The following LPP variants were observed in gnomAD, a reference collection of about 807,000 sequenced individuals.
LPP encodes the protein LIM domain containing preferred translocation partner in lipoma.
A neutral mutation model predicts 60.4 loss-of-function variants in LPP; 38 were observed. The observed-to-expected ratio is 0.63, with a 90% CI of 0.49 to 0.83. The LOEUF (loss-of-function observed/expected upper bound fraction) is 0.83. Among genes scored for constraint, LPP ranks in the 40% least tolerant of loss-of-function variants. The pLI, the probability that LPP is intolerant of heterozygous loss-of-function variation, is 0.00. For synonymous variants in LPP, 328 were observed against 290.8 expected, an observed-to-expected ratio of 1.13 and a Z score of -1.30; for missense variants, 902 against 783.6, an observed-to-expected ratio of 1.15 and a Z score of -1.80.
chr3:188,197,847 T>C (rs1211426478), intron 1 of LPP, among the ~76,000 whole-genome samples: 1 of 152,226 alleles, frequency 6.6e-6, no homozygotes, highest in Non-Finnish European at 1.5e-5. Flanking sequence ...TTTTCCCCTC[T>C]TCTAGTTAAA....
At chr3:188,194,120 A>G (rs1488082626) in intron 1 of LPP, among the ~76,000 whole-genome samples, 1 of 152,206 alleles carries the variant, frequency 6.6e-6, no homozygotes, top group African/African-American at 2.4e-5. Flanking sequence ...TCTGTTGGTG[A>G]GTGGCCCTCA....
rs1012713640 is a variant in LPP, at chr3:188,622,770, C to G, written c.1113+12926C>G. Among the ~76,000 whole-genome samples, 13 of 152,162 alleles carry G rather than the reference C, an allele frequency of 8.5e-5. No homozygotes were observed. In the East Asian group the frequency reaches 2.5e-3, roughly 30 times the overall value. On this transcript the variant is annotated intron_variant, in intron 7 of 11. Coordinates refer to ENST00000617246, the MANE Select transcript of LPP (RefSeq NM_001375462.1). ...CTGGGCCAGGCACAGTGGCTCACAC[C>G]TGTAATCCCAGCACTTTGGGAGACC... is the stretch of plus-strand genomic sequence containing the variant.
chr3:188,220,532 G>A (rs531321201), intron 1 of LPP, among the ~76,000 whole-genome samples: 2 of 152,206 alleles, frequency 1.3e-5, no homozygotes, highest in African/African-American at 4.8e-5. Context: ...CTCATGTCAC[G>A]AGGTTTCAGG....
Position 188,890,215 on chromosome 3 carries a change from G to C in LPP, c.*15736G>C, listed in dbSNP as rs148965046. On this transcript the variant is annotated 3_prime_UTR_variant, in exon 12 of 12. Coordinates refer to ENST00000617246, the MANE Select transcript of LPP (RefSeq NM_001375462.1). Reference sequence around the variant, plus strand: ...CTAAGCACAATCATAGCCCCACCGTGATGAGCTGCTAGTCTGAATAACATT... The same window carrying C: ...CTAAGCACAATCATAGCCCCACCGTCATGAGCTGCTAGTCTGAATAACATT... 9.2e-6 allele frequency: 2 copies of C among 218,008 alleles called. No individual in the cohort carries two copies. The highest frequency in any genetic ancestry group is 1.8e-5 in the Non-Finnish European group (2 of 108,426). 13.5% of individuals were successfully genotyped at this position (218,008 alleles called of 1,614,324 possible).
chr3:188,693,650 C>T (rs543487585), intron 7 of LPP, among the ~76,000 whole-genome samples: 2 of 152,178 alleles, frequency 1.3e-5, no homozygotes, highest in African/African-American at 2.4e-5. Flanking sequence ...CAGCGCAGCC[C>T]GACAGAATTC....
intron 9 of LPP, among the ~76,000 whole-genome samples, chr3:188,865,735 T>C (rs1439796129): frequency 1.3e-5 from 2 of 152,288 alleles, no homozygotes; most frequent in East Asian, 3.9e-4. Flanking sequence ...CCCATATGCT[T>C]GCATGCTATG....
Position 188,381,498 on chromosome 3 carries a change from G to A in LPP, c.-9-24614G>A, listed in dbSNP as rs764046713. Reference sequence around the variant, plus strand: ...GGCCAACATCTCTTTACTCTAGAAGGTTCTCAAAGGAGTTACCACACATGA... The same window carrying A: ...GGCCAACATCTCTTTACTCTAGAAGATTCTCAAAGGAGTTACCACACATGA... On this transcript the variant is annotated intron_variant, in intron 3 of 11. Transcript: ENST00000617246. 8.5e-5 allele frequency among the ~76,000 whole-genome samples: 13 copies of A among 152,258 alleles called. No individual in the cohort carries two copies. In the South Asian group the frequency reaches 1.2e-3, roughly 15 times the overall value.
chr3:188,277,013 C>T (rs1439851242), intron 2 of LPP, among the ~76,000 whole-genome samples: 1 of 139,484 alleles, frequency 7.2e-6, no homozygotes, highest in African/African-American at 2.7e-5. Flanking sequence ...AAGTGATTCT[C>T]CTGCCTCAGG....
chr3:188,390,214 A>G (rs541397134), intron 3 of LPP, among the ~76,000 whole-genome samples: 4 of 152,292 alleles, frequency 2.6e-5, no homozygotes, highest in South Asian at 4.1e-4. Context: ...AACTGAGACA[A>G]TTATGACAGA....
chr3:188,380,636 G>A (rs1776627866), intron 3 of LPP, among the ~76,000 whole-genome samples: 1 of 152,196 alleles, frequency 6.6e-6, no homozygotes, highest in South Asian at 2.1e-4. Context: ...GCAAGAGGAA[G>A]GATTTTTGAG....
At chr3:188,337,821 A>T (rs1762077429) in intron 2 of LPP, among the ~76,000 whole-genome samples, 2 of 152,062 alleles carry the variant, frequency 1.3e-5, no homozygotes, top group African/African-American at 4.8e-5. Context: ...GTTAAAGTTT[A>T]GTTGTTGATT....
intron 4 of LPP, among the ~76,000 whole-genome samples, chr3:188,470,446 C>G (rs200866839): frequency 9.3e-6 from 1 of 107,304 alleles, no homozygotes; most frequent in African/African-American, 3.0e-5. Context: ...CTGCATATAC[C>G]CACTCAGGAA....
chr3:188,485,317 T>C (rs572186356), intron 5 of LPP, among the ~76,000 whole-genome samples: 2 of 152,172 alleles, frequency 1.3e-5, no homozygotes, highest in African/African-American at 2.4e-5. Flanking sequence ...TCTCAGACTG[T>C]GATCATCGGT....
intron 7 of LPP, among the ~76,000 whole-genome samples, chr3:188,671,596 G>A (rs1278454476): frequency 6.6e-6 from 1 of 152,008 alleles, no homozygotes; most frequent in Non-Finnish European, 1.5e-5. Context: ...CTGCTCCATG[G>A]CCCCCTTTGC....
intron 1 of LPP, among the ~76,000 whole-genome samples, chr3:188,205,971 T>C (rs1293913238): frequency 6.6e-6 from 1 of 152,152 alleles, no homozygotes. Context: ...TGCTGCTACA[T>C]ATAAAAGTTA....
chr3:188,166,684 C>T (rs978506490), intron 1 of LPP, among the ~76,000 whole-genome samples: 1 of 152,192 alleles, frequency 6.6e-6, no homozygotes, highest in African/African-American at 2.4e-5. Flanking sequence ...ATCGCAATGC[C>T]AGATTCTTCC....
Position 188,220,543 on chromosome 3 carries a change from C to T in LPP, c.-189-4862C>T, listed in dbSNP as rs116104813. Among the ~76,000 whole-genome samples, 936 of 152,300 alleles carry T rather than the reference C, an allele frequency of 6.1e-3. 5 individuals are homozygous for T. The highest frequency in any genetic ancestry group is 9.3e-3 in the Non-Finnish European group (635 of 68,016). On this transcript the variant is annotated intron_variant, in intron 1 of 11. Coordinates refer to ENST00000617246, the MANE Select transcript of LPP (RefSeq NM_001375462.1). ...TAATCTCATGTCACGAGGTTTCAGG[C>T]CTGGCTGAGAACTCTGTGAGCTCTG...
At chr3:188,496,473 T>C (rs1228938564) in intron 5 of LPP, among the ~76,000 whole-genome samples, 1 of 152,184 alleles carries the variant, frequency 6.6e-6, no homozygotes, top group Non-Finnish European at 1.5e-5. Flanking sequence ...TTATCTCACT[T>C]GAACCTTTAG....
intron 9 of LPP, among the ~76,000 whole-genome samples, chr3:188,802,914 T>C (rs1167397111): frequency 1.3e-5 from 2 of 152,154 alleles, no homozygotes; most frequent in Middle Eastern, 3.2e-3. Flanking sequence ...GAAGGAACAT[T>C]AGCAGTTAAT....
Sources: allele counts gnomAD v4.1 joint callset (sites outside exome capture counted in the v4.1 genomes callset), GRCh38; gene constraint gnomAD v4.1.1; transcripts MANE v1.5; gene names NCBI Gene and HGNC (gene_info 2026-07-23, HGNC 2026-07-21).